Variants in AGPS observed in about 807,000 individuals in gnomAD.
AGPS encodes alkyldihydroxyacetonephosphate synthase, peroxisomal.
A neutral mutation model predicts 90.7 loss-of-function variants in AGPS; 26 were observed. That is an observed-to-expected ratio of 0.29 (90% CI 0.21 to 0.40). The LOEUF is 0.40. AGPS is among the 10% of genes least tolerant of loss of function. The probability of loss-of-function intolerance (pLI) is 1.00; values close to 1 mark genes in which losing one functional copy is unlikely to be tolerated. For synonymous variants in AGPS, 294 were observed against 285.3 expected, an observed-to-expected ratio of 1.03 and a Z score of -0.31; for missense variants, 540 against 816.1, an observed-to-expected ratio of 0.66 and a Z score of 4.12.
chr2:177,410,417 C>T (rs373235544), intron 1 of AGPS, among the ~76,000 whole-genome samples: 3 of 152,204 alleles, frequency 2.0e-5, no homozygotes, highest in African/African-American at 7.2e-5. Flanking sequence ...CATATTGCTG[C>T]GTGGGCATGG....
chr2:177,502,310 T>G (rs1046999727), intron 14 of AGPS, among the ~76,000 whole-genome samples: 3 of 152,184 alleles, frequency 2.0e-5, no homozygotes, highest in Non-Finnish European at 4.4e-5. Context: ...TAATGTGCTT[T>G]CATTCTGGCT....
chr2:177,536,621 T>C (rs2079187010), intron 19 of AGPS, among the ~76,000 whole-genome samples: 1 of 152,116 alleles, frequency 6.6e-6, no homozygotes, highest in Non-Finnish European at 1.5e-5. Context: ...TGGTAGAGAT[T>C]GCAGGAATAG....
At chr2:177,472,123 T>G (rs1036856713) in intron 10 of AGPS, among the ~76,000 whole-genome samples, 1 of 151,878 alleles carries the variant, frequency 6.6e-6, no homozygotes, top group Non-Finnish European at 1.5e-5. Context: ...TAGGGTTTTT[T>G]TTTTCATTGT....
chr2:177,491,402 G>T (rs528539065), intron 11 of AGPS, among the ~76,000 whole-genome samples: 2 of 150,028 alleles, frequency 1.3e-5, no homozygotes, highest in African/African-American at 4.9e-5. Flanking sequence ...GGGACTACAG[G>T]TGTGTGCCAC....
At chr2:177,502,593 G>T (rs559000634) in intron 14 of AGPS, among the ~76,000 whole-genome samples, 3 of 151,478 alleles carry the variant, frequency 2.0e-5, no homozygotes, top group African/African-American at 7.3e-5. Context: ...ATTTTTGTGT[G>T]TATGTGTGTG....
intron 1 of AGPS, among the ~76,000 whole-genome samples, chr2:177,395,629 G>A (rs895227674): frequency 6.6e-6 from 1 of 152,228 alleles, no homozygotes; most frequent in East Asian, 1.9e-4. Flanking sequence ...AGCCTAAAGG[G>A]AAGATAAATG....
At position 177,410,213 on chromosome 2, in the gene AGPS, C is replaced by A. The variant is rs1685580813; in HGVS notation, c.261-10056C>A. Among the ~76,000 whole-genome samples, 4 of 152,112 alleles carry A rather than the reference C, an allele frequency of 2.6e-5. No individual in the cohort carries two copies. The South Asian group carries it at 8.3e-4, about 32-fold the overall frequency. On this transcript the variant is annotated intron_variant, in intron 1 of 19. Transcript: ENST00000264167. ...TCTGTAAGCATTTCTAATGGAGGGT[C>A]CTGCCTTGCGGCTCTTTTGGCTTCA...
Position 177,543,609 on chromosome 2 carries a change from T to C in AGPS, c.*5414T>C, listed in dbSNP as rs992812077. On this transcript the variant is annotated 3_prime_UTR_variant, in exon 20 of 20. Coordinates refer to ENST00000264167, the MANE Select transcript of AGPS (RefSeq NM_003659.4). Reference sequence around the variant, plus strand: ...TACATTTATAGTCTAAAAGGGGATATGCAGTGGGAAGGAAAATTCCTGAGA... The same window carrying C: ...TACATTTATAGTCTAAAAGGGGATACGCAGTGGGAAGGAAAATTCCTGAGA... The C allele has an allele frequency of 6.6e-6, 1 of 152,220 alleles. No homozygotes were observed. The highest frequency in any genetic ancestry group is 2.4e-5 in the African/African-American group (1 of 41,466). The allele number at this position is 152,220 out of a possible 1,614,324, so 9.4% of individuals were successfully genotyped here.
chr2:177,522,266 T>C (rs1689216876), intron 18 of AGPS, among the ~76,000 whole-genome samples: 1 of 152,336 alleles, frequency 6.6e-6, no homozygotes, highest in Admixed American at 6.5e-5. Flanking sequence ...GCCCTCTGGC[T>C]ACCCAAATGT....
intron 8 of AGPS, among the ~76,000 whole-genome samples, chr2:177,446,020 TAGTACTGAGTCAGTGG>T (rs1686758979): frequency 6.6e-6 from 1 of 152,166 alleles, no homozygotes; most frequent in Non-Finnish European, 1.5e-5. Flanking sequence ...TTGTTGTTGT[TAGTACTGAGTCAGTGG>T]CAAAGGACAC....
In AGPS at chr2:177,514,015, C is replaced by T. The variant is rs1688955548; in HGVS notation, c.1697+107C>T. 4 of 839,932 alleles carry T rather than the reference C, an allele frequency of 4.8e-6. No individual in the cohort carries two copies. In the South Asian group the frequency reaches 6.0e-5, roughly 13 times the overall value. 52.0% of individuals were successfully genotyped at this position (839,932 alleles called of 1,614,324 possible). On this transcript the variant is annotated intron_variant, in intron 17 of 19. Coordinates refer to ENST00000264167, the MANE Select transcript of AGPS (RefSeq NM_003659.4). Reference sequence around the variant, plus strand: ...GCTGAGAAAAAGCTTCAGTCTATTACATTTGGCCAGCTTTCCTAACCTTCA... The same window carrying T: ...GCTGAGAAAAAGCTTCAGTCTATTATATTTGGCCAGCTTTCCTAACCTTCA...
rs1688683221 is a variant in AGPS, at chr2:177,505,495, TTTAA to T, written c.1476-7_1476-4del. 3.1e-6 allele frequency: 5 copies of T among 1,610,904 alleles called. No individual in the cohort carries two copies. The highest frequency in any genetic ancestry group is 1.7e-5 in the Admixed American group (1 of 59,992). ...TAAAAAATTTATTAACAGTTTGTTC[TTTAA>T]TTACAGTGGGTTGGCAGCTGGAGAA... On this transcript the variant is annotated splice_region_variant and splice_polypyrimidine_tract_variant and intron_variant, in intron 14 of 19. Coordinates refer to ENST00000264167, the MANE Select transcript of AGPS (RefSeq NM_003659.4).
At chr2:177,521,537 T>A (rs1267356458) in intron 18 of AGPS, among the ~76,000 whole-genome samples, 169 bp downstream of exon 18, 4 of 152,242 alleles carry the variant, frequency 2.6e-5, no homozygotes, top group Non-Finnish European at 5.9e-5. Context: ...ATGTACTGAA[T>A]TGTGAGTCTA....
intron 3 of AGPS, 47 bp from the exon 4 acceptor site, chr2:177,436,717 A>G (rs1447801560): frequency 6.3e-6 from 10 of 1,591,962 alleles, no homozygotes; most frequent in African/African-American, 1.3e-5. Flanking sequence ...AAGTACCCAA[A>G]ATTCGTTGTC....
At chr2:177,521,606 T>C (rs1010372188) in intron 18 of AGPS, among the ~76,000 whole-genome samples, 1 of 152,224 alleles carries the variant, frequency 6.6e-6, no homozygotes, top group African/African-American at 2.4e-5. Context: ...ACATAATAGC[T>C]GATTAAATTA....
intron 8 of AGPS, among the ~76,000 whole-genome samples, chr2:177,453,734 C>T (rs1211041466): frequency 2.9e-5 from 3 of 104,212 alleles, no homozygotes; most frequent in Middle Eastern, 0.011. Flanking sequence ...CTTACTCTGT[C>T]GCTCAGCAGG....
At chr2:177,439,770 AGTCTC>A (rs1686542096) in intron 5 of AGPS, among the ~76,000 whole-genome samples, 1 of 152,134 alleles carries the variant, frequency 6.6e-6, no homozygotes. Flanking sequence ...TCTTGCCTCA[AGTCTC>A]GCTCCTCCAT....
chr2:177,479,740 A>C (rs766233824), intron 10 of AGPS, among the ~76,000 whole-genome samples: 4 of 152,208 alleles, frequency 2.6e-5, no homozygotes, highest in Non-Finnish European at 5.9e-5. Context: ...GACAGAAAAT[A>C]GATTTGTGGT....
At chr2:177,488,438 G>T (rs183839466) in intron 11 of AGPS, among the ~76,000 whole-genome samples, 2 of 151,960 alleles carry the variant, frequency 1.3e-5, no homozygotes, top group Non-Finnish European at 1.5e-5. Flanking sequence ...GGATTGTCTC[G>T]ATTTCCTGAC....
Sources: allele counts gnomAD v4.1 joint callset (sites outside exome capture counted in the v4.1 genomes callset), GRCh38; gene constraint gnomAD v4.1.1; transcripts MANE v1.5; gene names NCBI Gene and HGNC (gene_info 2026-07-23, HGNC 2026-07-21).